Variants in HIVEP1 observed in about 807,000 individuals in gnomAD.
HIVEP1 encodes the protein HIVEP zinc finger 1, also known as zinc finger protein 40.
A neutral mutation model predicts 180.0 loss-of-function variants in HIVEP1; 36 were observed. The observed-to-expected ratio is 0.20, with a 90% CI of 0.15 to 0.26. The LOEUF is 0.26. Among genes scored for constraint, HIVEP1 ranks in the 10% least tolerant of loss-of-function variants. The pLI is 1.00. For synonymous variants in HIVEP1, 1,239 were observed against 1,239.0 expected (o/e 1.00, Z 0.00); for missense variants, 3,143 against 3,268.7 (o/e 0.96, Z 0.94).
chr6:12,160,364 T>C (rs138432196), intron 7 of HIVEP1, among the ~76,000 whole-genome samples: 45 of 152,332 alleles, frequency 3.0e-4, no homozygotes, highest in African/African-American at 9.6e-4. Flanking sequence ...GGTTGAATCA[T>C]ATCACAGAAG....
At chr6:12,019,777 T>C (rs1210912673) in intron 2 of HIVEP1, among the ~76,000 whole-genome samples, 1 of 152,232 alleles carries the variant, frequency 6.6e-6, no homozygotes, top group Non-Finnish European at 1.5e-5. Flanking sequence ...TTCTTGGTTC[T>C]CCTGCTGGGA....
chr6:12,167,567 G>GTATATATA (rs1562023362), downstream of HIVEP1, among the ~76,000 whole-genome samples: 10 of 2,716 alleles, frequency 3.7e-3, 1 homozygote, highest in East Asian at 0.021. Flanking sequence ...TATATTACAT[G>GTATATATA]CATGTTATAT....
the HIVEP1 span, among the ~76,000 whole-genome samples, chr6:12,209,238 C>T: frequency 2.6e-5 from 4 of 152,312 alleles, no homozygotes; most frequent in Non-Finnish European, 4.4e-5. Context: ...TCGAGACCAT[C>T]CTGGCTAACA....
At chr6:12,135,321 G>A (rs1186655354) in intron 6 of HIVEP1, among the ~76,000 whole-genome samples, 1 of 152,196 alleles carries the variant, frequency 6.6e-6, no homozygotes, top group Non-Finnish European at 1.5e-5. Flanking sequence ...AGATGTTTCT[G>A]CAACCCAGGG....
chr6:12,081,223 C>T (rs1482476940), intron 2 of HIVEP1, among the ~76,000 whole-genome samples: 1 of 152,196 alleles, frequency 6.6e-6, no homozygotes, highest in East Asian at 1.9e-4. Context: ...GATGAAACCG[C>T]TGTGCAGATT....
At chr6:12,071,714 T>C (rs1484306528) in intron 2 of HIVEP1, among the ~76,000 whole-genome samples, 2 of 152,194 alleles carry the variant, frequency 1.3e-5, no homozygotes, top group Non-Finnish European at 2.9e-5. Context: ...TATTAAAAAA[T>C]AATCATTTCA....
intron 4 of HIVEP1, among the ~76,000 whole-genome samples, chr6:12,129,036 C>T (rs1021169646): frequency 6.6e-6 from 1 of 151,838 alleles, no homozygotes; most frequent in African/African-American, 2.4e-5. Context: ...CAGAGCAAGA[C>T]CCCCATTTCT....
chr6:12,018,433 C>T (rs1004990729), intron 2 of HIVEP1, among the ~76,000 whole-genome samples: 3 of 152,220 alleles, frequency 2.0e-5, no homozygotes, highest in Admixed American at 2.0e-4. Context: ...AGCACGGTGT[C>T]ACCTCTCATT....
At chr6:12,187,149 G>T in the HIVEP1 span, among the ~76,000 whole-genome samples, 1 of 152,104 alleles carries the variant, frequency 6.6e-6, no homozygotes, top group African/African-American at 2.4e-5. Context: ...TGGTAATCGG[G>T]GTCATAGAAG....
At chr6:12,113,893 A>G (rs901875879) in intron 3 of HIVEP1, among the ~76,000 whole-genome samples, 1 of 152,196 alleles carries the variant, frequency 6.6e-6, no homozygotes, top group Non-Finnish European at 1.5e-5. Flanking sequence ...TCCCACATCT[A>G]TGTGGTAGCT....
chr6:12,120,375 A>C lies in HIVEP1; in HGVS notation c.580A>C (p.Thr194Pro). ...CGTTSPSYTN[T>P]AFDVLLKAME... is the part of the protein sequence containing the mutation. The stretch of plus-strand genomic sequence containing the variant: ...CACTACGTCCCCCTCCTATACAAAC[A>C]CTGCATTCGATGTCTTACTGAAAGC... The change falls in exon 4 of 9, where the codon ACT becomes CCT. Residue 194 changes from threonine (T) to proline (P), a missense_variant. This residue lies in a region of HIVEP1 where 306 missense variants were observed against 310.6 expected (regional missense o/e 0.99). Coordinates refer to ENST00000379388, the MANE Select transcript of HIVEP1 (RefSeq NM_002114.4). 2 of 1,614,134 alleles carry C rather than the reference A, an allele frequency of 1.2e-6. No individual in the cohort carries two copies. Among genetic ancestry groups the C allele is most frequent in the African/African-American group, 2.7e-5 (2 of 75,016 alleles).
At chr6:12,203,316 G>T in the HIVEP1 span, among the ~76,000 whole-genome samples, 1 of 152,236 alleles carries the variant, frequency 6.6e-6, no homozygotes, top group African/African-American at 2.4e-5. Flanking sequence ...GAATGCTGGG[G>T]TCGGGTAGAC....
At chr6:12,059,268 C>T (rs1771075362) in intron 2 of HIVEP1, among the ~76,000 whole-genome samples, 1 of 152,162 alleles carries the variant, frequency 6.6e-6, no homozygotes, top group South Asian at 2.1e-4. Flanking sequence ...CAACTCCTGA[C>T]CTCAAGTGAT....
At position 12,121,763 on chromosome 6, in the gene HIVEP1, A is replaced by G. The variant is rs1581725995; in HGVS notation, c.1968A>G (p.Gln656=). Residue 656 remains glutamine, a synonymous_variant, in exon 4 of 9, where the codon CAA becomes CAG. Coordinates refer to ENST00000379388, the MANE Select transcript of HIVEP1 (RefSeq NM_002114.4). This position sits in a 1 kb window ranked among gnomAD's most constrained non-coding sequence, Gnocchi z 5.3. Reference sequence around the variant, plus strand: ...GGCAGCAGGCTACCGATTACTCCCAAGAGCAGCAAGGAAAGCTCCTGAGTC... The same window carrying G: ...GGCAGCAGGCTACCGATTACTCCCAGGAGCAGCAAGGAAAGCTCCTGAGTC... ...LQRQQATDYS[Q]EQQGKLLSPR... 1 of 1,614,158 alleles carries G rather than the reference A, an allele frequency of 6.2e-7. No individual in the cohort carries two copies. The highest frequency in any genetic ancestry group is 8.5e-7 in the Non-Finnish European group (1 of 1,180,006).
intron 2 of HIVEP1, among the ~76,000 whole-genome samples, chr6:12,076,732 T>C (rs1025396082): frequency 2.0e-5 from 3 of 152,140 alleles, no homozygotes; most frequent in Non-Finnish European, 4.4e-5. Context: ...GCTGTTGCAT[T>C]GTGGATTAAG....
the HIVEP1 span, among the ~76,000 whole-genome samples, chr6:12,203,115 CAGA>C: frequency 2.6e-5 from 4 of 152,204 alleles, no homozygotes; most frequent in Non-Finnish European, 4.4e-5. Flanking sequence ...TATGTTATCC[CAGA>C]AGAAGTGTCT....
chr6:12,147,370 A>G (rs1291995398), intron 7 of HIVEP1, among the ~76,000 whole-genome samples: 8 of 152,176 alleles, frequency 5.3e-5, no homozygotes, highest in South Asian at 2.1e-4. Context: ...TTTGATTACA[A>G]AAGTCTGAAC....
At chr6:12,109,882 C>T (rs1272395828) in intron 3 of HIVEP1, among the ~76,000 whole-genome samples, 3 of 152,244 alleles carry the variant, frequency 2.0e-5, no homozygotes, top group African/African-American at 7.2e-5. Flanking sequence ...ACAGCTATCA[C>T]CTTATGAAAT....
the HIVEP1 span, among the ~76,000 whole-genome samples, chr6:12,172,634 TAAA>T: frequency 6.6e-6 from 1 of 152,168 alleles, no homozygotes; most frequent in Non-Finnish European, 1.5e-5. Context: ...AGTGTTTTAT[TAAA>T]AAAACTCACA....
Sources: gnomAD v4.1 joint callset for allele counts (sites outside exome capture counted in the v4.1 genomes callset) on GRCh38, gnomAD v4.1.1 for gene constraint, gnomAD v4.1.1 regional missense constraint, Gnocchi (gnomAD v3.1) non-coding constraint, MANE v1.5 for transcripts, NCBI Gene and HGNC (gene_info 2026-07-23, HGNC 2026-07-21) for gene names.